Variants in CADM2 observed in about 807,000 individuals in gnomAD.
CADM2 encodes cell adhesion molecule 2.
In CADM2, 12 loss-of-function variants were observed where a neutral mutation model predicts 49.8. That is an observed-to-expected ratio of 0.24 (90% CI 0.15 to 0.39). The LOEUF is 0.39. Among genes scored for constraint, CADM2 ranks in the 10% least tolerant of loss-of-function variants. CADM2 has a pLI of 1.00. For synonymous variants in CADM2, 214 were observed against 175.4 expected, an observed-to-expected ratio of 1.22 and a Z score of -1.74; for missense variants, 378 against 492.3, an observed-to-expected ratio of 0.77 and a Z score of 2.20.
At chr3:85,477,837 G>T (rs2039042346) in intron 1 of CADM2, among the ~76,000 whole-genome samples, 1 of 151,872 alleles carries the variant, frequency 6.6e-6, no homozygotes, top group South Asian at 2.1e-4. Context: ...ACTCCATCTG[G>T]CTGTATCCTC....
intron 1 of CADM2, among the ~76,000 whole-genome samples, chr3:85,244,642 A>T (rs1453057953): frequency 6.6e-6 from 1 of 152,156 alleles, no homozygotes; most frequent in African/African-American, 2.4e-5. Context: ...AAATCTTCAG[A>T]TACAATTCAA....
chr3:85,600,652 GT>G (rs201475814), intron 1 of CADM2, among the ~76,000 whole-genome samples: 23 of 147,530 alleles, frequency 1.6e-4, no homozygotes, highest in African/African-American at 2.5e-4. Context: ...CTTTTAAGTT[GT>G]TTTTTTTTTA....
chr3:85,368,038 A>G (rs190339317), intron 1 of CADM2, among the ~76,000 whole-genome samples: 1 of 152,058 alleles, frequency 6.6e-6, no homozygotes, highest in East Asian at 1.9e-4. Context: ...AAAAAACACT[A>G]ATTTATTACA....
chr3:85,977,706 T>A lies in CADM2; in HGVS notation c.970+16059T>A, dbSNP rs1726968189. ...ATAATGTCGTTAAAGTCAGTTCTAC[T>A]TTATGATAATGGTAGATCGCACTCC... On this transcript the variant is annotated intron_variant, in intron 8 of 9. Coordinates refer to ENST00000383699, the MANE Select transcript of CADM2 (RefSeq NM_001167675.2). 5.9e-5 allele frequency among the ~76,000 whole-genome samples: 9 copies of A among 151,620 alleles called. No individual in the cohort carries two copies. In the South Asian group the frequency reaches 1.9e-3, roughly 31 times the overall value.
At chr3:85,868,444 C>A (rs181495059) in intron 3 of CADM2, among the ~76,000 whole-genome samples, 24 of 152,176 alleles carry the variant, frequency 1.6e-4, no homozygotes, top group Non-Finnish European at 2.6e-4. Flanking sequence ...CACATCAATT[C>A]TTACCTATAA....
chr3:85,463,730 CT>C (rs1435905256), intron 1 of CADM2, among the ~76,000 whole-genome samples: 1 of 152,082 alleles, frequency 6.6e-6, no homozygotes, highest in African/African-American at 2.4e-5. Context: ...AATAATTTTA[CT>C]GGTTATCTCA....
intron 1 of CADM2, among the ~76,000 whole-genome samples, chr3:85,375,529 G>T (rs1209228705): frequency 6.6e-6 from 1 of 152,124 alleles, no homozygotes; most frequent in African/African-American, 2.4e-5. Flanking sequence ...ATGTAAAAAA[G>T]TTTGCTTAGA....
intron 1 of CADM2, among the ~76,000 whole-genome samples, chr3:85,630,488 T>C (rs2107520158): frequency 6.6e-6 from 1 of 152,082 alleles, no homozygotes; most frequent in East Asian, 1.9e-4. Context: ...TTCTCAAATA[T>C]TCAGGTATAT....
intron 1 of CADM2, among the ~76,000 whole-genome samples, chr3:84,960,714 A>G (rs1183636929): frequency 6.6e-6 from 1 of 152,184 alleles, no homozygotes; most frequent in Non-Finnish European, 1.5e-5. Flanking sequence ...TGGCTAAGGA[A>G]TCTGGGTTCA....
At chr3:85,609,971 A>G (rs928451891) in intron 1 of CADM2, among the ~76,000 whole-genome samples, 1 of 152,084 alleles carries the variant, frequency 6.6e-6, no homozygotes, top group African/African-American at 2.4e-5. Context: ...CCACGATAGA[A>G]CTGTACACAT....
At chr3:85,370,170 G>A (rs981549484) in intron 1 of CADM2, among the ~76,000 whole-genome samples, 2 of 149,684 alleles carry the variant, frequency 1.3e-5, no homozygotes, top group South Asian at 2.1e-4. Flanking sequence ...CTGAGATAGC[G>A]CCATTGCAAT....
chr3:85,872,556 G>T (rs2108357623), intron 3 of CADM2, among the ~76,000 whole-genome samples: 1 of 150,370 alleles, frequency 6.7e-6, no homozygotes, highest in Non-Finnish European at 1.5e-5. Flanking sequence ...ACTTTCATTT[G>T]CCCCAGGAGT....
chr3:85,377,452 A>G (rs565414038), intron 1 of CADM2, among the ~76,000 whole-genome samples: 5 of 152,050 alleles, frequency 3.3e-5, no homozygotes, highest in Non-Finnish European at 5.9e-5. Flanking sequence ...ATTTATATGC[A>G]CTTCACATGG....
chr3:85,102,520 C>T (rs1235914257), intron 1 of CADM2, among the ~76,000 whole-genome samples: 1 of 152,058 alleles, frequency 6.6e-6, no homozygotes, highest in Non-Finnish European at 1.5e-5. Context: ...AATTGGGAAA[C>T]AATAGGGACC....
chr3:84,972,339 A>G (rs778039901), intron 1 of CADM2, among the ~76,000 whole-genome samples: 1 of 152,230 alleles, frequency 6.6e-6, no homozygotes, highest in Non-Finnish European at 1.5e-5. Context: ...TTAAAATAGC[A>G]TTTCCTAAAA....
chr3:85,363,285 A>G (rs906223770), intron 1 of CADM2, among the ~76,000 whole-genome samples: 4 of 152,206 alleles, frequency 2.6e-5, no homozygotes, highest in Non-Finnish European at 5.9e-5. Context: ...TTGCTGAAGC[A>G]GACATCTGAC....
intron 1 of CADM2, among the ~76,000 whole-genome samples, chr3:85,152,389 T>C (rs1030185577): frequency 5.9e-5 from 9 of 152,182 alleles, no homozygotes; most frequent in African/African-American, 1.9e-4. Flanking sequence ...GGACCCATCA[T>C]CCTACTCTCT....
intron 1 of CADM2, among the ~76,000 whole-genome samples, chr3:85,595,516 A>G (rs2063218511): frequency 6.6e-6 from 1 of 152,054 alleles, no homozygotes; most frequent in Non-Finnish European, 1.5e-5. Context: ...GAAATTAGTC[A>G]TTCTTCGTAA....
chr3:85,683,916 A>C (rs2066113955), intron 1 of CADM2, among the ~76,000 whole-genome samples: 1 of 152,176 alleles, frequency 6.6e-6, no homozygotes, highest in Non-Finnish European at 1.5e-5. Context: ...TCAAAATATT[A>C]GTAGGTCAAA....
Sources: gnomAD v4.1 joint callset for allele counts (sites outside exome capture counted in the v4.1 genomes callset) on GRCh38, gnomAD v4.1.1 for gene constraint, MANE v1.5 for transcripts, NCBI Gene and HGNC (gene_info 2026-07-23, HGNC 2026-07-21) for gene names.